EME1: variants seen among roughly 807,000 people sequenced by gnomAD.
EME1 encodes the protein structure-specific endonuclease subunit EME1.
In EME1, 61 loss-of-function variants were observed where a neutral mutation model predicts 59.1. The ratio of observed to expected loss-of-function variants is 1.03; its 90% CI spans 0.84 to 1.28. EME1 has a LOEUF of 1.28. EME1 is among the 50% of genes most tolerant of loss of function. The pLI is 0.00. For missense variants in EME1, 635 were observed against 682.6 expected, an observed-to-expected ratio of 0.93 and a Z score of 0.78; for synonymous variants, 230 against 254.2, an observed-to-expected ratio of 0.90 and a Z score of 0.90.
rs781675932 is a variant in EME1, at chr17:50,375,672, C to G, written c.464C>G (p.Ala155Gly). The G allele has an allele frequency of 6.2e-7, 1 of 1,614,112 alleles. No individual in the cohort carries two copies. Among genetic ancestry groups the G allele is most frequent in the African/African-American group, 1.3e-5 (1 of 75,036 alleles). Residue 155 changes from alanine (A) to glycine (G), a missense_variant, in exon 2 of 9, where the codon GCA (alanine) becomes GGA (glycine). Physicochemically the swap from Ala to Gly is moderately conservative, Grantham distance 60. Transcript: ENST00000338165. ...CTCCATGATACCCCAGAGAGGAGTG[C>G]AGCAGATAACAAGGACCTGATCTTA... ...VPLHDTPERSAADNKDLILDP... is the reference protein window; with the variant it reads ...VPLHDTPERSGADNKDLILDP...
rs748216992 is a variant in EME1, at chr17:50,379,521, G to T, written c.1300G>T (p.Asp434Tyr). The stretch of plus-strand genomic sequence containing the variant: ...TGTGCAGAGCTGGAAAGAGCTGGCC[G>T]ACTTCACATGCGCATTCACAAAGGC... ...QIVQSWKELA[D>Y]FTCAFTKAVA... The change falls in exon 7 of 9, where the codon GAC becomes TAC. Residue 434 changes from aspartate (D) to tyrosine (Y), a missense_variant. Asp to Tyr is a radical substitution (Grantham distance 160). Transcript: ENST00000338165. The T allele has an allele frequency of 2.5e-6, 4 of 1,614,202 alleles. No individual in the cohort carries two copies. The South Asian group carries it at 3.3e-5, about 13-fold the overall frequency.
Position 50,378,609 on chromosome 17 carries a change from G to A in EME1, c.918G>A (p.Trp306Ter). The A allele has an allele frequency of 6.2e-7, 1 of 1,613,852 alleles. No individual in the cohort carries two copies. Among genetic ancestry groups the A allele is most frequent in the South Asian group, 1.1e-5 (1 of 91,054 alleles). ...TACTTTGGCAGGACAGAGAGGACTG[G>A]GTGGAGGAGCCAACAGTACTGGTGT... ...RAGPSEDRED[W>*]VEEPTVLVLL... The change falls in exon 4 of 9, where the codon TGG (tryptophan) becomes TGA (stop). Residue 306 changes from tryptophan to a stop codon, truncating the protein, a stop_gained. Coordinates refer to ENST00000338165, the MANE Select transcript of EME1 (RefSeq NM_152463.4). LOFTEE classifies it high-confidence loss of function.
In EME1 at chr17:50,375,926, A is replaced by G; in HGVS notation, c.718A>G (p.Met240Val). ...ERKNAALVTR[M>V]KAQRPEECLK... ...AAAGAATGCAGCACTGGTTACCAGG[A>G]TGAAAGCCCAGAGGCCAGAGGAATG... The change falls in exon 2 of 9, where the codon ATG (methionine) becomes GTG (valine). Residue 240 changes from methionine (M) to valine (V), a missense_variant. Met to Val is a conservative substitution (Grantham distance 21). Coordinates refer to ENST00000338165, the MANE Select transcript of EME1 (RefSeq NM_152463.4). 1 of 1,612,266 alleles carries G rather than the reference A, an allele frequency of 6.2e-7. No individual in the cohort carries two copies. Among genetic ancestry groups the G allele is most frequent in the Non-Finnish European group, 8.5e-7 (1 of 1,179,196 alleles).
At chr17:50,379,731 G>C (rs1171789167) in intron 7 of EME1, 164 bp downstream of exon 7, 1 of 623,582 alleles carries the variant, frequency 1.6e-6, no homozygotes, top group East Asian at 2.8e-5. Context: ...CTTGGGAAGA[G>C]TCCTCAAGCC....
At chr17:50,379,670 CCATTGTCTCTCAAGCT>C (rs1435874532) in intron 7 of EME1, 103 bp downstream of exon 7, 1 of 993,662 alleles carries the variant, frequency 1.0e-6, no homozygotes, top group African/African-American at 1.6e-5. Context: ...TGCAGTCAGC[CCATTGTCTCTCAAGCT>C]TGAGGCAGAA....
At chr17:50,378,985 C>T in intron 5 of EME1, 90 bp downstream of exon 5, 2 of 1,610,660 alleles carry the variant, frequency 1.2e-6, no homozygotes, top group Non-Finnish European at 1.7e-6. Flanking sequence ...AGATGTAGGT[C>T]ACTCTGCAAG....
chr17:50,379,821 T>C (rs776748295), intron 7 of EME1: 3 of 447,838 alleles, frequency 6.7e-6, no homozygotes, highest in Non-Finnish European at 1.2e-5. Flanking sequence ...CAGGTTACCA[T>C]AGGCCAAGTT....
Position 50,375,891 on chromosome 17 carries a change from G to T in EME1, c.683G>T (p.Arg228Ile). The T allele has an allele frequency of 6.2e-7, 1 of 1,614,000 alleles. No homozygotes were observed. The highest frequency in any genetic ancestry group is 1.1e-5 in the South Asian group (1 of 91,080). Residue 228 changes from arginine to isoleucine, a missense_variant, in exon 2 of 9, where the codon AGA becomes ATA. By Grantham distance (97) the Arg-to-Ile change is moderately conservative (BLOSUM62 -3). Transcript: ENST00000338165. Reference protein sequence around the residue: ...QARQKESTLRRQERKNAALVT... With the variant: ...QARQKESTLRIQERKNAALVT... ...AGGCAGAAGGAAAGCACCCTGAGAA[G>T]ACAGGAAAGAAAGAATGCAGCACTG...
At chr17:50,377,608 ATC>A (rs1236747960) in intron 3 of EME1, among the ~76,000 whole-genome samples, 4 of 152,116 alleles carry the variant, frequency 2.6e-5, no homozygotes, top group Non-Finnish European at 5.9e-5. Context: ...AAAAAAACCT[ATC>A]TGTTTGTAAG....
chr17:50,378,202 G>A lies in EME1; in HGVS notation c.904-393G>A, dbSNP rs540232974. On this transcript the variant is annotated intron_variant, in intron 3 of 8. Transcript: ENST00000338165. ...CTGCCTCAGTCTCCCGAGTAGCTGG[G>A]ATTACAGGCACGTACCGCCACACCC... Among the ~76,000 whole-genome samples, 18 of 151,962 alleles carry A rather than the reference G, an allele frequency of 1.2e-4. No individual in the cohort carries two copies. The South Asian group carries it at 1.5e-3, about 12-fold the overall frequency.
chr17:50,378,476 A>G, intron 3 of EME1, 119 bp from the exon 4 acceptor site: 1 of 923,984 alleles, frequency 1.1e-6, no homozygotes, highest in Admixed American at 1.9e-5. Context: ...TCATTCCAGA[A>G]AGGATAATGC....
chr17:50,375,505 G>A lies in EME1; in HGVS notation c.297G>A (p.Arg99=). The A allele has an allele frequency of 2.5e-6, 4 of 1,613,834 alleles. No individual in the cohort carries two copies. The highest frequency in any genetic ancestry group is 1.1e-5 in the South Asian group (1 of 91,046). The change falls in exon 2 of 9, where the codon AGG becomes AGA. Residue 99 remains arginine (R), a synonymous_variant. Transcript: ENST00000338165. The part of the protein sequence containing the change: ...DEEEFIPLAQ[R]LTCKFLTHKQ... ...AAGAATTTATTCCTCTGGCTCAAAG[G>A]CTTACATGTAAGTTTCTGACCCACA...
chr17:50,373,553 G>C (rs1442480329), intron 1 of EME1, among the ~76,000 whole-genome samples: 1 of 152,220 alleles, frequency 6.6e-6, no homozygotes, highest in Non-Finnish European at 1.5e-5. Flanking sequence ...ACTAAGCGCG[G>C]TGGATGCATT....
chr17:50,375,808 G>T lies in EME1; in HGVS notation c.600G>T (p.Lys200Asn), dbSNP rs1461023013. ...TCCTTCCACCCCAGAAGAAAACCAAGCCGAGTCAGAAGGTCCAGGGAAGAG... is the reference window on the plus strand; with the variant it reads ...TCCTTCCACCCCAGAAGAAAACCAATCCGAGTCAGAAGGTCCAGGGAAGAG... Reference protein sequence around the residue: ...SDILPPQKKTKPSQKVQGRGS... With the variant: ...SDILPPQKKTNPSQKVQGRGS... Residue 200 changes from lysine to asparagine, a missense_variant, in exon 2 of 9, where the codon AAG (lysine) becomes AAT (asparagine). By Grantham distance (94) the Lys-to-Asn change is moderately conservative. Coordinates refer to ENST00000338165, the MANE Select transcript of EME1 (RefSeq NM_152463.4). 6.2e-7 allele frequency: 1 copy of T among 1,614,156 alleles called. No individual in the cohort carries two copies. The highest frequency in any genetic ancestry group is 1.7e-5 in the Admixed American group (1 of 60,018).
intron 3 of EME1, among the ~76,000 whole-genome samples, chr17:50,376,498 G>A (rs1913478839): frequency 6.6e-6 from 1 of 152,178 alleles, no homozygotes; most frequent in Admixed American, 6.6e-5. Context: ...GTCCTATGAT[G>A]TGCACAATGT....
Position 50,381,240 on chromosome 17 carries a change from C to T in EME1, c.*301C>T. The T allele has an allele frequency of 3.0e-6, 1 of 329,720 alleles. No individual in the cohort carries two copies. The highest frequency in any genetic ancestry group is 5.6e-6 in the Non-Finnish European group (1 of 177,972). 20.4% of individuals were successfully genotyped at this position (329,720 alleles called of 1,614,324 possible). A position where few individuals can be genotyped will look rare whatever the true frequency, so the allele number is the denominator to read the frequency against. On this transcript the variant is annotated 3_prime_UTR_variant, in exon 9 of 9. Coordinates refer to ENST00000338165, the MANE Select transcript of EME1 (RefSeq NM_152463.4). ...AAAACACAAAGGAACAAAGACAGTC[C>T]ACTCAGACACTTATTTAATAACTGT...
rs772921012 is a variant in EME1 at position 50,378,808 on chromosome 17, C to T, written c.1025C>T (p.Thr342Met). Residue 342 changes from threonine to methionine, a missense_variant, in exon 5 of 9, where the codon ACG becomes ATG. Physicochemically the swap from Thr to Met is moderately conservative, Grantham distance 81. Coordinates refer to ENST00000338165, the MANE Select transcript of EME1 (RefSeq NM_152463.4). ...SLDSTMKGKETLQGFVTDITA... is the reference protein window; with the variant it reads ...SLDSTMKGKEMLQGFVTDITA... The stretch of plus-strand genomic sequence containing the variant: ...GACAGCACTATGAAAGGGAAGGAAA[C>T]GCTTCAGGGCTTTGTAACTGACATC... The T allele has an allele frequency of 8.7e-6, 14 of 1,614,072 alleles. 1 individual carries two copies. The highest frequency in any genetic ancestry group is 1.6e-4 in the Middle Eastern group (1 of 6,084).
chr17:50,376,125 C>T lies in EME1; in HGVS notation c.835C>T (p.Arg279Cys), dbSNP rs772221887. ...AGGAGCACTGCAGACCATGGAGTGC[C>T]GCTGTGTGATTGAGGCGCAGGCTGT... ...LLGALQTMEC[R>C]CVIEAQAVPC... Residue 279 changes from arginine to cysteine, a missense_variant, in exon 3 of 9, where the codon CGC becomes TGC. By Grantham distance (180) the Arg-to-Cys change is radical. Coordinates refer to ENST00000338165, the MANE Select transcript of EME1 (RefSeq NM_152463.4). 22 of 1,614,042 alleles carry T rather than the reference C, an allele frequency of 1.4e-5. No homozygotes were observed. The highest frequency in any genetic ancestry group is 5.0e-5 in the Admixed American group (3 of 60,014).
Position 50,380,848 on chromosome 17 carries a change from C to T in EME1, c.1622C>T (p.Thr541Ile), listed in dbSNP as rs1050744084. ...CGCCGTGGGGAAGGTGTGACATCCA[C>T]TTCTCGCCGCATTGGACCAGAACTA... Reference protein sequence around the residue: ...QVRRGEGVTSTSRRIGPELSR... With the variant: ...QVRRGEGVTSISRRIGPELSR... The change falls in exon 9 of 9, where the codon ACT (threonine) becomes ATT (isoleucine). Residue 541 changes from threonine (T) to isoleucine (I), a missense_variant. Thr to Ile is a moderately conservative substitution (Grantham distance 89, BLOSUM62 -1). Coordinates refer to ENST00000338165, the MANE Select transcript of EME1 (RefSeq NM_152463.4). 3 of 1,614,216 alleles carry T rather than the reference C, an allele frequency of 1.9e-6. No individual in the cohort carries two copies. The highest frequency in any genetic ancestry group is 2.5e-6 in the Non-Finnish European group (3 of 1,180,042).
Sources: allele counts gnomAD v4.1 joint callset (sites outside exome capture counted in the v4.1 genomes callset), GRCh38; gene constraint gnomAD v4.1.1; transcripts MANE v1.5; gene names NCBI Gene and HGNC (gene_info 2026-07-23, HGNC 2026-07-21).